ARHGAP35: variants seen among roughly 807,000 people sequenced by gnomAD.
The protein encoded by ARHGAP35 is rho GTPase-activating protein 35.
ARHGAP35 carries 15 observed loss-of-function variants against 111.1 expected under a neutral mutation model. The observed-to-expected ratio is 0.13, with a 90% CI of 0.09 to 0.21. ARHGAP35 has a LOEUF of 0.21. Ranked by LOEUF, ARHGAP35 falls within the 10% of genes least tolerant of loss-of-function variation. ARHGAP35 has a pLI of 1.00. For synonymous variants in ARHGAP35, 643 were observed against 710.3 expected (o/e 0.91, Z 1.51); for missense variants, 1,262 against 1,873.0 (o/e 0.67, Z 6.02).
intron 3 of ARHGAP35, chr19:46,947,141 T>G (rs2056384411): frequency 6.6e-6 from 1 of 152,204 alleles, no homozygotes; most frequent in Non-Finnish European, 1.5e-5. Context: ...CTTAATTCAC[T>G]TACCATCTTT....
rs1464086405 is a variant in ARHGAP35 at position 46,921,070 on chromosome 19, A to G, written c.2395A>G (p.Ile799Val). Reference sequence around the variant, plus strand: ...TGGAGATCCTTTTAGTGCAGATGACATACTTTTTCCTGTCCTTCAGTCCCA... The same window carrying G: ...TGGAGATCCTTTTAGTGCAGATGACGTACTTTTTCCTGTCCTTCAGTCCCA... ...MCGDPFSADD[I>V]LFPVLQSQTC... Residue 799 changes from isoleucine to valine, a missense_variant, in exon 2 of 7, where the codon ATA becomes GTA. Ile to Val is a conservative substitution (Grantham distance 29). This residue lies in a region of ARHGAP35 where 579 missense variants were observed against 716.9 expected (regional missense o/e 0.81). Coordinates refer to ENST00000672722, the MANE Select transcript of ARHGAP35 (RefSeq NM_004491.5). This position sits in a 1 kb window ranked among gnomAD's most constrained non-coding sequence, Gnocchi z 4.3. The G allele has an allele frequency of 1.2e-6, 2 of 1,613,876 alleles. No homozygotes were observed. The highest frequency in any genetic ancestry group is 2.2e-5 in the East Asian group (1 of 44,900).
chr19:46,878,456 A>G (rs1346784402), intron 1 of ARHGAP35, among the ~76,000 whole-genome samples: 1 of 152,028 alleles, frequency 6.6e-6, no homozygotes, highest in East Asian at 1.9e-4. Flanking sequence ...AGCTGGGTCT[A>G]GAGATGCGCA....
chr19:46,879,370 C>T (rs1301202330), intron 1 of ARHGAP35, among the ~76,000 whole-genome samples: 9 of 152,082 alleles, frequency 5.9e-5, no homozygotes, highest in South Asian at 4.2e-4. Flanking sequence ...AGGCAGATCA[C>T]GAGTTCAGGA....
intron 3 of ARHGAP35, among the ~76,000 whole-genome samples, chr19:46,978,589 C>T (rs1465295216): frequency 8.8e-3 from 132 of 14,916 alleles, no homozygotes; most frequent in African/African-American, 0.028. Flanking sequence ...TGTGGTGGGG[C>T]GTGTGGGGGG....
intron 3 of ARHGAP35, among the ~76,000 whole-genome samples, chr19:46,949,482 G>C (rs1429994603): frequency 6.6e-6 from 1 of 152,126 alleles, no homozygotes; most frequent in Non-Finnish European, 1.5e-5. Flanking sequence ...AATTTTATCA[G>C]GGAGAAGCAA....
chr19:46,987,356 C>T (rs1485541255), intron 3 of ARHGAP35, among the ~76,000 whole-genome samples: 1 of 150,882 alleles, frequency 6.6e-6, no homozygotes, highest in Non-Finnish European at 1.5e-5. Context: ...GCTTAGATTA[C>T]AGGCGCGCAC....
intron 3 of ARHGAP35, 110 bp from the exon 4 acceptor site, chr19:46,987,876 TGTG>T (rs1599867777): frequency 2.1e-6 from 2 of 940,990 alleles, no homozygotes; most frequent in African/African-American, 1.6e-5. Context: ...GCTCCTCTCT[TGTG>T]GTGGGCACCT....
chr19:46,909,934 A>G (rs2056129656), intron 1 of ARHGAP35, among the ~76,000 whole-genome samples: 1 of 152,064 alleles, frequency 6.6e-6, no homozygotes, highest in Non-Finnish European at 1.5e-5. Context: ...GGTGTGAGCC[A>G]CCACACCCAG....
chr19:46,921,829 A>T lies in ARHGAP35; in HGVS notation c.3154A>T (p.Thr1052Ser), dbSNP rs1447802010. Residue 1052 changes from threonine to serine, a missense_variant, in exon 2 of 7, where the codon ACA becomes TCA. By Grantham distance (58) the Thr-to-Ser change is moderately conservative (BLOSUM62 1). Coordinates refer to ENST00000672722, the MANE Select transcript of ARHGAP35 (RefSeq NM_004491.5). The surrounding 1 kb of genome is among the most constrained non-coding windows in gnomAD (Gnocchi z 4.3). ...KPKPPVHFEI[T>S]KGDLSYLDQG... ...AAAGCCTCCTGTCCATTTTGAAATT[A>T]CAAAGGGGGATCTATCTTATTTAGA... 5.6e-6 allele frequency: 9 copies of T among 1,614,030 alleles called. No individual in the cohort carries two copies. Among genetic ancestry groups the T allele is most frequent in the Non-Finnish European group, 7.6e-6 (9 of 1,179,892 alleles).
At position 46,922,254 on chromosome 19, in the gene ARHGAP35, G is replaced by A. The variant is rs2056207227; in HGVS notation, c.3579G>A (p.Gln1193=). ...LGPIRKKEED[Q]ASQGYKGDNA... ...CCATCCGGAAGAAAGAGGAGGATCAGGCATCCCAGGGTTATAAAGGGGACA... is the reference window on the plus strand; with the variant it reads ...CCATCCGGAAGAAAGAGGAGGATCAAGCATCCCAGGGTTATAAAGGGGACA... The change falls in exon 2 of 7, where the codon CAG becomes CAA. Residue 1193 remains glutamine (Q), a synonymous_variant. Coordinates refer to ENST00000672722, the MANE Select transcript of ARHGAP35 (RefSeq NM_004491.5). The surrounding 1 kb of genome is among the most constrained non-coding windows in gnomAD (Gnocchi z 4.0). 6.2e-7 allele frequency: 1 copy of A among 1,613,968 alleles called. No individual in the cohort carries two copies. The highest frequency in any genetic ancestry group is 8.5e-7 in the Non-Finnish European group (1 of 1,179,890).
intron 3 of ARHGAP35, among the ~76,000 whole-genome samples, chr19:46,962,562 G>C (rs1353413136): frequency 6.6e-6 from 1 of 152,230 alleles, no homozygotes; most frequent in Non-Finnish European, 1.5e-5. Context: ...GGAAGTTTCT[G>C]ATGGAGAAAA....
rs1157860278 is a variant in ARHGAP35, at chr19:46,965,560, T to C, written c.3827-22429T>C. 3.9e-5 allele frequency among the ~76,000 whole-genome samples: 6 copies of C among 152,112 alleles called. No homozygotes were observed. In the South Asian group the frequency reaches 8.3e-4, roughly 21 times the overall value. Reference sequence around the variant, plus strand: ...TGTGCCGTGGCACAGTCATGGCTCATTGCAGCCTCGATCTCCCAGGCTCAA... The same window carrying C: ...TGTGCCGTGGCACAGTCATGGCTCACTGCAGCCTCGATCTCCCAGGCTCAA... On this transcript the variant is annotated intron_variant, in intron 3 of 6. Transcript: ENST00000672722.
intron 2 of ARHGAP35, among the ~76,000 whole-genome samples, chr19:46,932,088 C>T (rs1048861615): frequency 6.6e-6 from 1 of 152,164 alleles, no homozygotes; most frequent in African/African-American, 2.4e-5. Context: ...TCAAGAACAG[C>T]CTGGCCAACA....
chr19:46,913,936 T>C (rs1269556309), intron 1 of ARHGAP35, among the ~76,000 whole-genome samples: 1 of 152,230 alleles, frequency 6.6e-6, no homozygotes, highest in African/African-American at 2.4e-5. Flanking sequence ...ATGCCCGGTC[T>C]CCTACTTTCT....
chr19:46,867,121 C>A (rs1019087106), intron 1 of ARHGAP35, among the ~76,000 whole-genome samples: 2 of 152,164 alleles, frequency 1.3e-5, no homozygotes, highest in Admixed American at 1.3e-4. Context: ...CTGAGAAATG[C>A]CATTAAGTTG....
chr19:46,965,463 GTTTT>G (rs869069566), intron 3 of ARHGAP35, among the ~76,000 whole-genome samples: 9 of 131,240 alleles, frequency 6.9e-5, no homozygotes, highest in African/African-American at 2.4e-4. Flanking sequence ...TTTTTCTTGG[GTTTT>G]TTGTTTGTTT....
At chr19:46,948,030 C>T (rs1480281828) in intron 3 of ARHGAP35, 1 of 152,186 alleles carries the variant, frequency 6.6e-6, no homozygotes, top group Admixed American at 6.5e-5. Flanking sequence ...GAACCCTGTC[C>T]TCTTGGGTTT....
chr19:46,894,322 T>G (rs2056041861), intron 1 of ARHGAP35, among the ~76,000 whole-genome samples: 1 of 152,192 alleles, frequency 6.6e-6, no homozygotes, highest in African/African-American at 2.4e-5. Context: ...GATGTGAAAT[T>G]TCTAAGATAT....
intron 3 of ARHGAP35, among the ~76,000 whole-genome samples, chr19:46,962,384 C>T (rs1338714881): frequency 6.6e-6 from 1 of 152,126 alleles, no homozygotes; most frequent in Non-Finnish European, 1.5e-5. Context: ...TTGGAAAGGC[C>T]GTGAATGTGT....
Sources: gnomAD v4.1 joint callset for allele counts (sites outside exome capture counted in the v4.1 genomes callset) on GRCh38, gnomAD v4.1.1 for gene constraint, gnomAD v4.1.1 regional missense constraint, Gnocchi (gnomAD v3.1) non-coding constraint, MANE v1.5 for transcripts, NCBI Gene and HGNC (gene_info 2026-07-23, HGNC 2026-07-21) for gene names.